The following PRR5 variants were observed in gnomAD, a reference collection of about 807,000 sequenced individuals.
PRR5 encodes proline rich 5, also known as proline-rich protein 5.
In PRR5, 25 loss-of-function variants were observed where a neutral mutation model predicts 30.6. That is an observed-to-expected ratio of 0.82 (90% CI 0.60 to 1.14). PRR5 has a LOEUF of 1.14. Ranked by LOEUF, PRR5 falls within the 50% of genes most tolerant of loss-of-function variation. PRR5 has a pLI of 0.00. For missense variants in PRR5, 600 were observed against 547.1 expected (o/e 1.10, Z -0.96); for synonymous variants, 286 against 247.1 (o/e 1.16, Z -1.48).
chr22:44,668,824 TC>T (rs1923238466), intron 1 of PRR5: 1 of 147,544 alleles, frequency 6.8e-6, no homozygotes. Flanking sequence ...CGGCTACGGG[TC>T]CGGAGGCCCG....
At chr22:44,719,383 GA>G (rs925574458) in intron 2 of PRR5, among the ~76,000 whole-genome samples, 6 of 152,112 alleles carry the variant, frequency 3.9e-5, no homozygotes, top group Admixed American at 2.6e-4. Context: ...GAGAAAACAA[GA>G]AAAAAATCTT....
In PRR5 at chr22:44,732,383, G is replaced by A. The variant is rs770923412; in HGVS notation, c.547G>A (p.Val183Met). The change falls in exon 6 of 8, where the codon GTG becomes ATG. Residue 183 changes from valine (V) to methionine (M), a missense_variant. Coordinates refer to ENST00000336985, the MANE Select transcript of PRR5 (RefSeq NM_181333.4). Reference protein sequence around the residue: ...VPPAIVQMLLVLQGVHESRGV... With the variant: ...VPPAIVQMLLMLQGVHESRGV... ...CCCTGCCATCGTGCAGATGCTGCTG[G>A]TGCTGCAGGTGGGCACAGTGGGCAG... 6.2e-7 allele frequency: 1 copy of A among 1,608,470 alleles called. No homozygotes were observed. The highest frequency in any genetic ancestry group is 1.7e-5 in the Admixed American group (1 of 59,964).
chr22:44,698,187 C>T (rs1264767684), upstream of PRR5, among the ~76,000 whole-genome samples: 3 of 152,170 alleles, frequency 2.0e-5, no homozygotes, highest in East Asian at 5.8e-4. Context: ...GCCGACACCC[C>T]ACTGGCCAGG....
rs1332549799 is a variant in PRR5, at chr22:44,689,628, G to C, written c.-11+12388G>C. 2.8e-4 allele frequency among the ~76,000 whole-genome samples: 42 copies of C among 152,190 alleles called. 1 individual carries two copies. Among genetic ancestry groups the C allele is most frequent in the Admixed American group, 2.8e-3 (42 of 15,272 alleles). On this transcript the variant is annotated intron_variant, in intron 1 of 8. Transcript: ENST00000006251. ...AGAAGGGCCATGGAAAAGTGGTGGG[G>C]ACAGGAGCTCATCTCAGAGTTTTGT...
intron 5 of PRR5, 89 bp from the exon 6 acceptor site, chr22:44,732,162 C>T (rs1922120582): frequency 1.3e-6 from 2 of 1,563,458 alleles, no homozygotes; most frequent in Admixed American, 1.7e-5. Flanking sequence ...CGGCAGGTCT[C>T]TTCCCCCTGT....
intron 1 of PRR5, among the ~76,000 whole-genome samples, chr22:44,682,474 G>C (rs13054881): frequency 6.6e-6 from 1 of 152,110 alleles, no homozygotes; most frequent in African/African-American, 2.4e-5. Context: ...CCATGTCCCC[G>C]CTGGCCTCTC....
In PRR5 at chr22:44,727,005, C is replaced by T. The variant is rs949722160; in HGVS notation, c.322+371C>T. Among the ~76,000 whole-genome samples, 14 of 152,212 alleles carry T rather than the reference C, an allele frequency of 9.2e-5. 1 individual carries two copies. The East Asian group carries it at 1.7e-3, about 19-fold the overall frequency. On this transcript the variant is annotated intron_variant, in intron 4 of 7. Coordinates refer to ENST00000336985, the MANE Select transcript of PRR5 (RefSeq NM_181333.4). Reference sequence around the variant, plus strand: ...AGAAGTCGGTTAGGGCTGAGGTCACCGATACTCACAGAGGAGGGGACAGGG... The same window carrying T: ...AGAAGTCGGTTAGGGCTGAGGTCACTGATACTCACAGAGGAGGGGACAGGG...
intron 4 of PRR5, chr22:44,730,141 A>G: frequency 1.0e-6 from 1 of 985,014 alleles, no homozygotes; most frequent in South Asian, 4.7e-5. Context: ...CCTCGAACCT[A>G]CATGAAGCTG....
chr22:44,707,426 G>A (rs189993096), intron 1 of PRR5, among the ~76,000 whole-genome samples: 2 of 152,314 alleles, frequency 1.3e-5, no homozygotes, highest in East Asian at 1.9e-4. Context: ...CTCCGGCAGG[G>A]TCAGGCGGCC....
chr22:44,728,010 GC>G (rs1921176275), intron 4 of PRR5, among the ~76,000 whole-genome samples: 1 of 152,244 alleles, frequency 6.6e-6, no homozygotes, highest in Non-Finnish European at 1.5e-5. Flanking sequence ...TTCTGGCGGT[GC>G]CTGTACCTCC....
In PRR5 at chr22:44,732,248, C is replaced by T. The variant is rs371674855; in HGVS notation, c.415-3C>T. The T allele has an allele frequency of 3.1e-6, 5 of 1,610,900 alleles. No homozygotes were observed. Among genetic ancestry groups the T allele is most frequent in the East Asian group, 4.5e-5 (2 of 44,858 alleles). On this transcript the variant is annotated splice_polypyrimidine_tract_variant and splice_region_variant and intron_variant, in intron 5 of 7. Coordinates refer to ENST00000336985, the MANE Select transcript of PRR5 (RefSeq NM_181333.4). ...GGTGGGGTGGGGTGCCTTCCGTCCACAGGGCAAGGAGCCATCGGTGCGCCA... is the reference window on the plus strand; with the variant it reads ...GGTGGGGTGGGGTGCCTTCCGTCCATAGGGCAAGGAGCCATCGGTGCGCCA...
Position 44,737,185 on chromosome 22 carries a change from C to CG in PRR5, c.1109dup (p.Arg371ProfsTer26). ...TGAAGGGATTTTCATTGACTTTGGCCGGGGCCGGGGCTCTGGCATGTCCGA... is the reference window on the plus strand; with the variant it reads ...TGAAGGGATTTTCATTGACTTTGGCCGGGGGCCGGGGCTCTGGCATGTCCGA... On this transcript the variant is annotated frameshift_variant, in exon 8 of 8. Coordinates refer to ENST00000336985, the MANE Select transcript of PRR5 (RefSeq NM_181333.4). LOFTEE classifies it low-confidence loss of function (END_TRUNC). 1 of 1,612,348 alleles carries CG rather than the reference C, an allele frequency of 6.2e-7. No homozygotes were observed. The highest frequency in any genetic ancestry group is 8.5e-7 in the Non-Finnish European group (1 of 1,179,706).
At chr22:44,717,060 CAAAAG>C (rs759198744) in intron 2 of PRR5, among the ~76,000 whole-genome samples, 13 of 149,930 alleles carry the variant, frequency 8.7e-5, no homozygotes, top group Non-Finnish European at 1.8e-4. Flanking sequence ...GACCCCATCT[CAAAAG>C]AAAAAAAAAT....
chr22:44,671,471 G>A (rs964629323), intron 1 of PRR5, among the ~76,000 whole-genome samples: 3 of 152,102 alleles, frequency 2.0e-5, no homozygotes, highest in African/African-American at 4.8e-5. Flanking sequence ...GAAACCCTCC[G>A]TCTCGGAGAG....
At chr22:44,688,610 G>A (rs34610805) in intron 1 of PRR5, among the ~76,000 whole-genome samples, 2,286 of 152,310 alleles carry the variant, frequency 0.015, 21 homozygotes, top group Non-Finnish European at 0.021. Flanking sequence ...TGAAGGCAGG[G>A]AGGCTGTCAC....
chr22:44,700,624 A>G (rs1926175164), upstream of PRR5, among the ~76,000 whole-genome samples: 1 of 152,194 alleles, frequency 6.6e-6, no homozygotes, highest in East Asian at 1.9e-4. Flanking sequence ...ACTCTGTCTC[A>G]AAAAGAAAAG....
At chr22:44,712,786 A>G (rs1306288323) in intron 1 of PRR5, among the ~76,000 whole-genome samples, 1 of 152,182 alleles carries the variant, frequency 6.6e-6, no homozygotes, top group Non-Finnish European at 1.5e-5. Flanking sequence ...AGCTGCAGCT[A>G]GGTCCTGGGT....
upstream of PRR5, among the ~76,000 whole-genome samples, chr22:44,674,947 A>T (rs1255367916): frequency 7.2e-5 from 2 of 27,970 alleles, no homozygotes; most frequent in South Asian, 2.0e-3. Flanking sequence ...CGCTGTCTCA[A>T]AAAAAAAAAG....
chr22:44,732,489 C>G (rs998416963), intron 6 of PRR5, 98 bp downstream of exon 6: 28 of 1,484,764 alleles, frequency 1.9e-5, no homozygotes, highest in Non-Finnish European at 2.5e-5. Context: ...TTTAGGGGCA[C>G]GAGACTTAAG....
Sources: gnomAD v4.1 joint callset for allele counts (sites outside exome capture counted in the v4.1 genomes callset) on GRCh38, gnomAD v4.1.1 for gene constraint, MANE v1.5 for transcripts, NCBI Gene and HGNC (gene_info 2026-07-23, HGNC 2026-07-21) for gene names.